The following ITPR1 variants were observed in gnomAD, a reference collection of about 807,000 sequenced individuals.
ITPR1 encodes inositol 1,4,5-trisphosphate-gated calcium channel ITPR1.
A neutral mutation model predicts 318.4 loss-of-function variants in ITPR1; 96 were observed. That is an observed-to-expected ratio of 0.30 (90% confidence interval 0.26 to 0.36). The LOEUF (loss-of-function observed/expected upper bound fraction) is 0.36, where lower values mean the gene tolerates loss of function less well. Among genes scored for constraint, ITPR1 ranks in the 10% least tolerant of loss-of-function variants. The pLI is 1.00. For missense variants in ITPR1, 2,440 were observed against 3,460.2 expected (o/e 0.71, Z 7.40); for synonymous variants, 1,312 against 1,289.9 (o/e 1.02, Z -0.37).
chr3:4,800,303 A>G (rs547779310), intron 53 of ITPR1, 122 bp from the exon 54 acceptor site: 2 of 887,152 alleles, frequency 2.3e-6, no homozygotes, highest in East Asian at 2.7e-5. Context: ...ATTTGAGGTG[A>G]GAGTTGGGAC....
chr3:4,770,935 C>T (rs550899416), intron 46 of ITPR1, among the ~76,000 whole-genome samples: 1 of 152,212 alleles, frequency 6.6e-6, no homozygotes, highest in African/African-American at 2.4e-5. Context: ...AGTGAGTGAC[C>T]CACAGAGGAC....
At chr3:4,823,682 G>A (rs1024407655) in intron 60 of ITPR1, among the ~76,000 whole-genome samples, 2 of 152,178 alleles carry the variant, frequency 1.3e-5, no homozygotes, top group Non-Finnish European at 2.9e-5. Flanking sequence ...GGGGAAAAAG[G>A]AAAGGAGGAA....
chr3:4,803,903 G>C (rs758269289), intron 54 of ITPR1, among the ~76,000 whole-genome samples: 10 of 151,962 alleles, frequency 6.6e-5, no homozygotes, highest in Non-Finnish European at 1.5e-4. Flanking sequence ...ACAGAGTCTC[G>C]ATCTGTCACC....
At chr3:4,733,647 G>T (rs3792492) in intron 43 of ITPR1, among the ~76,000 whole-genome samples, 8 of 152,080 alleles carry the variant, frequency 5.3e-5, no homozygotes, top group African/African-American at 1.9e-4. Flanking sequence ...TGCATTCTTT[G>T]TCTCATTTTC....
chr3:4,670,867 A>G lies in ITPR1; in HGVS notation c.2145A>G (p.Glu715=), dbSNP rs780847395. 18 of 1,610,340 alleles carry G rather than the reference A, an allele frequency of 1.1e-5. No homozygotes were observed. The Admixed American group carries it at 1.5e-4, about 14-fold the overall frequency. The part of the protein sequence containing the change: ...NKEIRSKSVR[E]LAQDAKEGQK... ...AGATTCGCAGCAAGAGTGTGAGGGA[A>G]TTGGCTCAGGATGCTAAAGAAGGGC... is the stretch of plus-strand genomic sequence containing the variant. Residue 715 remains glutamate (E), a synonymous_variant, in exon 20 of 62, where the codon GAA becomes GAG. Transcript: ENST00000649015.
At chr3:4,597,612 AG>A (rs753338372) in intron 4 of ITPR1, among the ~76,000 whole-genome samples, 19 of 152,334 alleles carry the variant, frequency 1.2e-4, no homozygotes, top group Middle Eastern at 3.4e-3. Flanking sequence ...AGATGAGGCA[AG>A]GGGGCACATT....
rs538384686 is a variant in ITPR1, at chr3:4,666,079, G to A, written c.1713+783G>A. Among the ~76,000 whole-genome samples, 6 of 152,238 alleles carry A rather than the reference G, an allele frequency of 3.9e-5. No homozygotes were observed. In the South Asian group the frequency reaches 1.2e-3, roughly 32 times the overall value. ...AATTATCCTGCCTAAAATGTCAGTA[G>A]TGCTGAGGTTTAGAAAATTTGTGCC... On this transcript the variant is annotated intron_variant, in intron 17 of 61. Coordinates refer to ENST00000649015, the MANE Select transcript of ITPR1 (RefSeq NM_001378452.1).
At chr3:4,728,198 T>C (rs1357143884) in intron 42 of ITPR1, among the ~76,000 whole-genome samples, 1 of 152,214 alleles carries the variant, frequency 6.6e-6, no homozygotes, top group Non-Finnish European at 1.5e-5. Context: ...AGGTGCTGAC[T>C]GTGCCTTGCC....
At position 4,669,558 on chromosome 3, in the gene ITPR1, G is replaced by T. The variant is rs1315148875; in HGVS notation, c.1887-96G>T. ...AATGCTGCTGACATGTCTTGGTAAAGGTATGTTGGACCTGTGCACTTAAGG... is the reference window on the plus strand; with the variant it reads ...AATGCTGCTGACATGTCTTGGTAAATGTATGTTGGACCTGTGCACTTAAGG... On this transcript the variant is annotated intron_variant, in intron 18 of 61. Transcript: ENST00000649015. The T allele has an allele frequency of 7.5e-6, 9 of 1,205,470 alleles. No individual in the cohort carries two copies. In the East Asian group the frequency reaches 2.0e-4, roughly 27 times the overall value. 74.7% of individuals were successfully genotyped at this position (1,205,470 alleles called of 1,614,324 possible).
At chr3:4,702,398 A>G (rs2094674741) in intron 35 of ITPR1, among the ~76,000 whole-genome samples, 1 of 152,234 alleles carries the variant, frequency 6.6e-6, no homozygotes, top group African/African-American at 2.4e-5. Context: ...AGTGGATATA[A>G]TGTCTGGAAG....
At chr3:4,668,653 A>T (rs1229346842) in intron 18 of ITPR1, among the ~76,000 whole-genome samples, 2 of 152,050 alleles carry the variant, frequency 1.3e-5, no homozygotes, top group African/African-American at 4.8e-5. Context: ...TTTTTAATAG[A>T]GACGGGGTTT....
intron 4 of ITPR1, among the ~76,000 whole-genome samples, chr3:4,585,485 G>A (rs1331541311): frequency 6.6e-6 from 1 of 152,018 alleles, no homozygotes; most frequent in Non-Finnish European, 1.5e-5. Context: ...CACCCAGGCT[G>A]GAGTGCAGTG....
intron 4 of ITPR1, among the ~76,000 whole-genome samples, chr3:4,600,782 C>T (rs926828297): frequency 1.3e-5 from 2 of 152,062 alleles, no homozygotes; most frequent in African/African-American, 2.4e-5. Context: ...AATTGATTCA[C>T]TCCCCACCCC....
chr3:4,667,335 A>G (rs775648529), intron 17 of ITPR1, 42 bp from the exon 18 acceptor site: 32 of 1,491,710 alleles, frequency 2.1e-5, no homozygotes, highest in Non-Finnish European at 2.7e-5. Context: ...CCATATTGTC[A>G]TTTATCCTTC....
chr3:4,641,134 C>T (rs1423105079), intron 6 of ITPR1, among the ~76,000 whole-genome samples: 1 of 152,184 alleles, frequency 6.6e-6, no homozygotes, highest in African/African-American at 2.4e-5. Flanking sequence ...TGTACCATTT[C>T]TCAAGGGATT....
intron 4 of ITPR1, among the ~76,000 whole-genome samples, chr3:4,530,113 G>A (rs566856538): frequency 1.8e-4 from 27 of 152,306 alleles, no homozygotes; most frequent in African/African-American, 6.5e-4. Context: ...GTCATTGTGA[G>A]CTGCATTGAC....
chr3:4,710,297 G>C lies in ITPR1; in HGVS notation c.4843-28G>C. The C allele has an allele frequency of 6.6e-7, 1 of 1,516,804 alleles. No homozygotes were observed. The highest frequency in any genetic ancestry group is 8.9e-7 in the Non-Finnish European group (1 of 1,123,824). The allele number at this position is 1,516,804 out of a possible 1,614,324, so 94.0% of individuals were successfully genotyped here. On this transcript the variant is annotated intron_variant, in intron 37 of 61. Transcript: ENST00000649015. The surrounding 1 kb of genome is among the most constrained non-coding windows in gnomAD (Gnocchi z 4.2). ...CCTGTGGTCAGCGTCTGCCTGAGCC[G>C]TTGACTGAGGCTGTGTTTCCGTTTT... is the stretch of plus-strand genomic sequence containing the variant.
chr3:4,597,276 G>A (rs144430931), intron 4 of ITPR1, among the ~76,000 whole-genome samples: 2 of 152,288 alleles, frequency 1.3e-5, no homozygotes, highest in Admixed American at 6.5e-5. Context: ...CTGTGAGCTG[G>A]ATTTGGCTTG....
intron 5 of ITPR1, among the ~76,000 whole-genome samples, chr3:4,628,179 C>T (rs1211009699): frequency 6.6e-6 from 1 of 152,186 alleles, no homozygotes; most frequent in Admixed American, 6.5e-5. Flanking sequence ...AATCCTGCCT[C>T]CACCACTCAG....
Sources: allele counts gnomAD v4.1 joint callset (sites outside exome capture counted in the v4.1 genomes callset), GRCh38; gene constraint gnomAD v4.1.1; non-coding constraint Gnocchi (gnomAD v3.1); transcripts MANE v1.5; gene names NCBI Gene and HGNC (gene_info 2026-07-23, HGNC 2026-07-21).